The following PLXDC1 variants were observed in gnomAD, a reference collection of about 807,000 sequenced individuals.
The protein encoded by PLXDC1 is plexin domain-containing protein 1.
In PLXDC1, 39 loss-of-function variants were observed where a neutral mutation model predicts 61.3. The ratio of observed to expected loss-of-function variants is 0.64; its 90% CI spans 0.49 to 0.83. The LOEUF (loss-of-function observed/expected upper bound fraction) is 0.83, where lower values mean the gene tolerates loss of function less well. Among genes scored for constraint, PLXDC1 ranks in the 40% least tolerant of loss-of-function variants. The pLI is 0.00. For synonymous variants in PLXDC1, 212 were observed against 254.5 expected (o/e 0.83, Z 1.59); for missense variants, 596 against 666.5 (o/e 0.89, Z 1.17).
In PLXDC1 at chr17:39,065,550, C is replaced by A. The variant is rs982393460; in HGVS notation, c.*2290G>T. 6.6e-6 allele frequency: 1 copy of A among 151,926 alleles called. No homozygotes were observed. The highest frequency in any genetic ancestry group is 2.4e-5 in the African/African-American group (1 of 41,294). 9.4% of individuals were successfully genotyped at this position (151,926 alleles called of 1,614,324 possible). A position where few individuals can be genotyped will look rare whatever the true frequency, so the allele number is the denominator to read the frequency against. ...CCTAGTAGCTGGGACTACAGGTGCACCCCACCACACCTGGCATTTTTGTTG... is the reference window on the plus strand; with the variant it reads ...CCTAGTAGCTGGGACTACAGGTGCAACCCACCACACCTGGCATTTTTGTTG... On this transcript the variant is annotated 3_prime_UTR_variant, in exon 14 of 14. Transcript: ENST00000315392.
chr17:39,131,373 C>A (rs1036406496), intron 2 of PLXDC1, among the ~76,000 whole-genome samples: 1 of 149,632 alleles, frequency 6.7e-6, no homozygotes, highest in African/African-American at 2.5e-5. Context: ...TTTTTTTAGG[C>A]GACAGAATCT....
At chr17:39,123,247 A>C (rs1259011978) in intron 2 of PLXDC1, among the ~76,000 whole-genome samples, 1 of 151,882 alleles carries the variant, frequency 6.6e-6, no homozygotes, top group Non-Finnish European at 1.5e-5. Flanking sequence ...CTGGAGTGCA[A>C]TAGCCGCATC....
At chr17:39,092,948 A>G (rs1391652516) in intron 7 of PLXDC1, among the ~76,000 whole-genome samples, 1 of 152,160 alleles carries the variant, frequency 6.6e-6, no homozygotes, top group Non-Finnish European at 1.5e-5. Flanking sequence ...TTAGGAAGAG[A>G]CATGTTCAGT....
intron 2 of PLXDC1, among the ~76,000 whole-genome samples, chr17:39,121,684 G>T (rs1013711742): frequency 6.6e-6 from 1 of 152,302 alleles, no homozygotes; most frequent in Admixed American, 6.5e-5. Flanking sequence ...TCTTCCTTGA[G>T]TTGCAGAGGC....
intron 12 of PLXDC1, 115 bp from the exon 13 acceptor site, chr17:39,070,131 C>T: frequency 1.5e-6 from 1 of 688,190 alleles, no homozygotes; most frequent in Non-Finnish European, 2.4e-6. Context: ...GCCTTTGGGT[C>T]CACTTATCCA....
chr17:39,070,284 T>C (rs1909065246), intron 12 of PLXDC1: 1 of 339,866 alleles, frequency 2.9e-6, no homozygotes, highest in African/African-American at 2.1e-5. Flanking sequence ...CTCTCTGATA[T>C]CTGTGCCACT....
At position 39,084,831 on chromosome 17, in the gene PLXDC1, G is replaced by A. The variant is rs567309869; in HGVS notation, c.908-1291C>T. On this transcript the variant is annotated intron_variant, in intron 8 of 13. Transcript: ENST00000315392. ...GCACAGGAGCAGCAGGGCAGGGGGC[G>A]CAGTAGGCACGGGGGCTGGATTTAA... Among the ~76,000 whole-genome samples, 122 of 152,334 alleles carry A rather than the reference G, an allele frequency of 8.0e-4. No homozygotes were observed. In the South Asian group the frequency reaches 0.01, roughly 13 times the overall value.
chr17:39,139,737 G>C lies in PLXDC1; in HGVS notation c.172C>G (p.Pro58Ala). The change falls in exon 2 of 14, where the codon CCG becomes GCG. Residue 58 changes from proline to alanine, a missense_variant. Transcript: ENST00000315392. Reference protein sequence around the residue: ...ARESPGHVSEPDRTQLSQDLG... With the variant: ...ARESPGHVSEADRTQLSQDLG... ...TCCTGGCTCAGCTGGGTCCTGTCCGGCTCTGACACATGCCCAGGGCTCTCT... is the reference window on the plus strand; with the variant it reads ...TCCTGGCTCAGCTGGGTCCTGTCCGCCTCTGACACATGCCCAGGGCTCTCT... 1 of 1,614,014 alleles carries C rather than the reference G, an allele frequency of 6.2e-7. No individual in the cohort carries two copies. Among genetic ancestry groups the C allele is most frequent in the Non-Finnish European group, 8.5e-7 (1 of 1,180,002 alleles).
At chr17:39,152,799 A>C, upstream of PLXDC1, 1 of 744,640 alleles carries the variant, frequency 1.3e-6, no homozygotes, top group Non-Finnish European at 1.8e-6. Flanking sequence ...AGAAAAGAAA[A>C]AAAAACACCT....
intron 2 of PLXDC1, among the ~76,000 whole-genome samples, chr17:39,116,286 A>C (rs1266442605): frequency 6.6e-6 from 1 of 152,124 alleles, no homozygotes; most frequent in Non-Finnish European, 1.5e-5. Flanking sequence ...CTCAATCAGA[A>C]GGACCACTGT....
intron 2 of PLXDC1, among the ~76,000 whole-genome samples, chr17:39,131,541 C>T (rs1301349402): frequency 1.3e-5 from 2 of 151,866 alleles, no homozygotes; most frequent in African/African-American, 2.4e-5. Flanking sequence ...TTAGTAGAGA[C>T]GGGGTTTCAC....
intron 7 of PLXDC1, among the ~76,000 whole-genome samples, chr17:39,088,275 G>C (rs1001048739): frequency 1.3e-5 from 2 of 152,200 alleles, no homozygotes; most frequent in Admixed American, 1.3e-4. Flanking sequence ...GCATGTTGCT[G>C]TCCACCATCC....
Position 39,063,385 on chromosome 17 carries a change from A to G in PLXDC1, c.*4455T>C. 1.5e-6 allele frequency: 1 copy of G among 686,868 alleles called. No individual in the cohort carries two copies. The highest frequency in any genetic ancestry group is 2.7e-5 in the East Asian group (1 of 37,130). 42.5% of individuals were successfully genotyped at this position (686,868 alleles called of 1,614,324 possible). A position where few individuals can be genotyped will look rare whatever the true frequency, so the allele number is the denominator to read the frequency against. ...ATGGGGTTTACTTCCAGGGATTTAC[A>G]GACCAATATAAGTAAACAGCTGGGG... On this transcript the variant is annotated 3_prime_UTR_variant, in exon 14 of 14. Transcript: ENST00000315392.
chr17:39,074,700 G>A (rs1909258564), intron 11 of PLXDC1, among the ~76,000 whole-genome samples: 1 of 152,116 alleles, frequency 6.6e-6, no homozygotes, highest in African/African-American at 2.4e-5. Context: ...CTGACACTGT[G>A]CCTCCACCAG....
intron 1 of PLXDC1, among the ~76,000 whole-genome samples, chr17:39,145,665 C>G (rs1485896026): frequency 6.6e-6 from 1 of 152,158 alleles, no homozygotes; most frequent in African/African-American, 2.4e-5. Context: ...GGGAGAGCAT[C>G]TTTAAATGCC....
Position 39,151,624 on chromosome 17 carries a change from C to G in PLXDC1, c.-187G>C. 9.6e-7 allele frequency: 1 copy of G among 1,037,840 alleles called. No individual in the cohort carries two copies. Among genetic ancestry groups the G allele is most frequent in the Non-Finnish European group, 1.2e-6 (1 of 862,290 alleles). The allele number at this position is 1,037,840 out of a possible 1,614,324, so 64.3% of individuals were successfully genotyped here. A position where few individuals can be genotyped will look rare whatever the true frequency, so the allele number is the denominator to read the frequency against. On this transcript the variant is annotated 5_prime_UTR_variant, in exon 1 of 14. Coordinates refer to ENST00000315392, the MANE Select transcript of PLXDC1 (RefSeq NM_020405.5). The surrounding 1 kb of genome is among the most constrained non-coding windows in gnomAD (Gnocchi z 5.2). ...AGAGCGCGAGCGGAGCTGGAGGCTG[C>G]GGCCTCCGGGAGCAGGCGGGGAGCT...
chr17:39,079,020 G>T, intron 10 of PLXDC1, 84 bp downstream of exon 10: 2 of 1,100,702 alleles, frequency 1.8e-6, no homozygotes, highest in East Asian at 2.4e-5. Flanking sequence ...CTTGAGAAGA[G>T]TTTCCAGGGG....
chr17:39,120,991 G>A (rs1438201192), intron 2 of PLXDC1, among the ~76,000 whole-genome samples: 1 of 151,982 alleles, frequency 6.6e-6, no homozygotes, highest in Non-Finnish European at 1.5e-5. Context: ...ACTGCACCTG[G>A]CCAAACACCC....
At chr17:39,070,175 T>C in intron 12 of PLXDC1, 159 bp from the exon 13 acceptor site, 2 of 551,668 alleles carry the variant, frequency 3.6e-6, no homozygotes, top group Non-Finnish European at 6.4e-6. Context: ...GTTGGAATCA[T>C]TATGAGTAAG....
Sources: allele counts gnomAD v4.1 joint callset (sites outside exome capture counted in the v4.1 genomes callset), GRCh38; gene constraint gnomAD v4.1.1; non-coding constraint Gnocchi (gnomAD v3.1); transcripts MANE v1.5; gene names NCBI Gene and HGNC (gene_info 2026-07-23, HGNC 2026-07-21).